Variants in TMEM178B observed in about 807,000 individuals in gnomAD.
TMEM178B encodes the protein transmembrane protein 178B.
A neutral mutation model predicts 31.0 loss-of-function variants in TMEM178B; 5 were observed. The observed-to-expected ratio is 0.16, with a 90% CI of 0.08 to 0.34. The LOEUF (loss-of-function observed/expected upper bound fraction) is 0.34. Among genes scored for constraint, TMEM178B ranks in the 10% least tolerant of loss-of-function variants. The pLI is 1.00. For synonymous variants in TMEM178B, 164 were observed against 164.0 expected (o/e 1.00, Z 0.00); for missense variants, 275 against 400.3 (o/e 0.69, Z 2.67).
chr7:141,335,156 G>A (rs1187843301), intron 2 of TMEM178B, among the ~76,000 whole-genome samples: 3 of 152,172 alleles, frequency 2.0e-5, no homozygotes, highest in Non-Finnish European at 2.9e-5. Context: ...CCTGGATAAG[G>A]AGGGAAATTA....
At position 141,074,811 on chromosome 7, in the gene TMEM178B, G is replaced by C. The variant is rs1586753890; in HGVS notation, c.382+119G>C. ...AGGTCTCTGGGTTCCAGGCGGTCCG[G>C]TTATCCAGGCCTGGCTGAGCCTCGG... On this transcript the variant is annotated intron_variant, in intron 1 of 3. Transcript: ENST00000565468. The surrounding 1 kb of genome is among the most constrained non-coding windows in gnomAD (Gnocchi z 5.1). 3.0e-6 allele frequency: 4 copies of C among 1,355,234 alleles called. No homozygotes were observed. The highest frequency in any genetic ancestry group is 3.9e-6 in the Non-Finnish European group (4 of 1,028,848). The allele number at this position is 1,355,234 out of a possible 1,614,324, so 84.0% of individuals were successfully genotyped here.
chr7:141,462,323 G>A (rs1236537541), intron 3 of TMEM178B, among the ~76,000 whole-genome samples: 1 of 152,190 alleles, frequency 6.6e-6, no homozygotes. Context: ...TATGGAGGTA[G>A]CACTAAAAAT....
intron 2 of TMEM178B, among the ~76,000 whole-genome samples, chr7:141,292,938 A>G (rs1201782257): frequency 6.6e-6 from 1 of 152,014 alleles, no homozygotes; most frequent in Non-Finnish European, 1.5e-5. Context: ...GCACCCGGCC[A>G]GATCTTCTTT....
chr7:141,297,166 C>T (rs1206250763), intron 2 of TMEM178B: 1 of 152,160 alleles, frequency 6.6e-6, no homozygotes, highest in Admixed American at 6.5e-5. Context: ...GGGGCAGTGC[C>T]TGTGACCTGA....
At chr7:141,200,335 G>C (rs1796855618) in intron 1 of TMEM178B, among the ~76,000 whole-genome samples, 1 of 151,826 alleles carries the variant, frequency 6.6e-6, no homozygotes, top group Admixed American at 6.6e-5. Flanking sequence ...GGGCTGTCCT[G>C]GTTGTAGGGG....
At chr7:141,453,063 C>T (rs1460141001) in intron 3 of TMEM178B, among the ~76,000 whole-genome samples, 1 of 152,252 alleles carries the variant, frequency 6.6e-6, no homozygotes, top group Non-Finnish European at 1.5e-5. Context: ...GCTCAACTTA[C>T]AGATAGCGTC....
In TMEM178B at chr7:141,445,960, G is replaced by A. The variant is rs147780694; in HGVS notation, c.634+8215G>A. On this transcript the variant is annotated intron_variant, in intron 3 of 3. Coordinates refer to ENST00000565468, the MANE Select transcript of TMEM178B (RefSeq NM_001195278.2). ...CACAAACTACTTCATACCCTGGAGC[G>A]TATCTTGCCTCTTGGAAAGTGCAGA... Among the ~76,000 whole-genome samples, 160 of 152,242 alleles carry A rather than the reference G, an allele frequency of 1.1e-3. 1 individual carries two copies. The highest frequency in any genetic ancestry group is 3.6e-3 in the African/African-American group (148 of 41,530).
intron 2 of TMEM178B, among the ~76,000 whole-genome samples, chr7:141,400,888 GC>G (rs1563172037): frequency 6.6e-6 from 1 of 152,176 alleles, no homozygotes; most frequent in Non-Finnish European, 1.5e-5. Context: ...TGTCTTCTCT[GC>G]CCCCCAGCTT....
At chr7:141,114,488 T>C (rs1795286964) in intron 1 of TMEM178B, among the ~76,000 whole-genome samples, 1 of 152,266 alleles carries the variant, frequency 6.6e-6, no homozygotes, top group South Asian at 2.1e-4. Context: ...TTGGACTTCA[T>C]GCCTGTGCTA....
At position 141,419,896 on chromosome 7, in the gene TMEM178B, CA is replaced by C. The variant is rs575108722; in HGVS notation, c.497-17704del. ...TCAGCATGTTATAATAATTACGTGG[CA>C]AAAAAAACCATTACACAGGAGTATA... On this transcript the variant is annotated intron_variant, in intron 2 of 3. Coordinates refer to ENST00000565468, the MANE Select transcript of TMEM178B (RefSeq NM_001195278.2). 2.6e-3 allele frequency among the ~76,000 whole-genome samples: 401 copies of C among 151,472 alleles called. 1 individual carries two copies. The highest frequency in any genetic ancestry group is 8.7e-3 in the African/African-American group (359 of 41,308).
intron 2 of TMEM178B, among the ~76,000 whole-genome samples, chr7:141,241,292 T>A (rs571118537): frequency 6.6e-6 from 1 of 152,158 alleles, no homozygotes; most frequent in South Asian, 2.1e-4. Flanking sequence ...ACAGATTATT[T>A]AGAATTTATC....
At chr7:141,354,092 A>T (rs1799779035) in intron 2 of TMEM178B, among the ~76,000 whole-genome samples, 1 of 152,216 alleles carries the variant, frequency 6.6e-6, no homozygotes, top group South Asian at 2.1e-4. Flanking sequence ...AAATCTGAGA[A>T]CTAGCCCAAA....
At chr7:141,403,126 A>G (rs1006696969) in intron 2 of TMEM178B, among the ~76,000 whole-genome samples, 3 of 152,206 alleles carry the variant, frequency 2.0e-5, no homozygotes, top group African/African-American at 7.2e-5. Flanking sequence ...TGTTAAGGCC[A>G]AAGCAAAACA....
At chr7:141,229,887 A>C (rs1797413460) in intron 2 of TMEM178B, among the ~76,000 whole-genome samples, 1 of 152,232 alleles carries the variant, frequency 6.6e-6, no homozygotes, top group African/African-American at 2.4e-5. Flanking sequence ...ACAAACACCA[A>C]CAACAAAAAG....
At chr7:141,169,412 A>G (rs927800176) in intron 1 of TMEM178B, among the ~76,000 whole-genome samples, 3 of 152,230 alleles carry the variant, frequency 2.0e-5, no homozygotes, top group Non-Finnish European at 2.9e-5. Context: ...TCCATGGTGC[A>G]TATGTGCCAC....
chr7:141,324,396 G>C (rs1347875703), intron 2 of TMEM178B, among the ~76,000 whole-genome samples: 1 of 140,614 alleles, frequency 7.1e-6, no homozygotes, highest in Non-Finnish European at 1.5e-5. Flanking sequence ...TGGAGTGTGA[G>C]AGCAAGAGAG....
chr7:141,255,882 G>A (rs1380170316), intron 2 of TMEM178B, among the ~76,000 whole-genome samples: 1 of 152,136 alleles, frequency 6.6e-6, no homozygotes, highest in African/African-American at 2.4e-5. Context: ...AAAGCAAAAG[G>A]TCAGGATGGA....
chr7:141,439,863 A>T (rs535679138), intron 3 of TMEM178B, among the ~76,000 whole-genome samples: 1 of 152,284 alleles, frequency 6.6e-6, no homozygotes, highest in East Asian at 1.9e-4. Context: ...CAAGGTTCAG[A>T]TCCTGCCCAG....
chr7:141,450,938 C>T (rs1337891185), intron 3 of TMEM178B, among the ~76,000 whole-genome samples: 1 of 152,118 alleles, frequency 6.6e-6, no homozygotes, highest in Non-Finnish European at 1.5e-5. Flanking sequence ...TTTTGTGTTC[C>T]TGTGACAGTA....
Sources: gnomAD v4.1 joint callset for allele counts (sites outside exome capture counted in the v4.1 genomes callset) on GRCh38, gnomAD v4.1.1 for gene constraint, Gnocchi (gnomAD v3.1) non-coding constraint, MANE v1.5 for transcripts, NCBI Gene and HGNC (gene_info 2026-07-23, HGNC 2026-07-21) for gene names.